LRRIQ1: variants seen among roughly 807,000 people sequenced by gnomAD.
The protein encoded by LRRIQ1 is leucine-rich repeat- and IQ domain-containing protein 1.
In LRRIQ1, 210 loss-of-function variants were observed where a neutral mutation model predicts 211.9. That is an observed-to-expected ratio of 0.99 (90% CI 0.89 to 1.11). The LOEUF (loss-of-function observed/expected upper bound fraction) is 1.11, where lower values mean the gene tolerates loss of function less well. LRRIQ1 is among the 50% of genes most tolerant of loss of function. The pLI, the probability that LRRIQ1 is intolerant of heterozygous loss-of-function variation, is 0.00. For synonymous variants in LRRIQ1, 699 were observed against 650.1 expected, an observed-to-expected ratio of 1.08 and a Z score of -1.14; for missense variants, 2,136 against 1,939.5, an observed-to-expected ratio of 1.10 and a Z score of -1.90.
intron 24 of LRRIQ1, among the ~76,000 whole-genome samples, chr12:85,172,329 A>G (rs1472868218): frequency 6.6e-6 from 1 of 152,188 alleles, no homozygotes; most frequent in Non-Finnish European, 1.5e-5. Context: ...GAATTACTAC[A>G]ACATCTTGGA....
chr12:85,211,694 T>C (rs1346350005), intron 24 of LRRIQ1, among the ~76,000 whole-genome samples: 1 of 152,160 alleles, frequency 6.6e-6, no homozygotes, highest in Non-Finnish European at 1.5e-5. Context: ...ATTATTCCTA[T>C]TTCACAATTA....
At chr12:85,222,726 G>A (rs1032468182) in intron 24 of LRRIQ1, among the ~76,000 whole-genome samples, 2 of 152,058 alleles carry the variant, frequency 1.3e-5, no homozygotes, top group Non-Finnish European at 2.9e-5. Context: ...TAGAAGAAAA[G>A]GGAAACTGAT....
At chr12:85,229,403 T>G (rs1240280008) in intron 24 of LRRIQ1, 114 bp from the exon 25 acceptor site, 4 of 796,224 alleles carry the variant, frequency 5.0e-6, no homozygotes, top group Non-Finnish European at 7.7e-6. Context: ...TTAGCTCTCA[T>G]AAGTTAGTAT....
intron 24 of LRRIQ1, among the ~76,000 whole-genome samples, chr12:85,181,438 T>C (rs1035768017): frequency 2.3e-4 from 35 of 151,862 alleles, no homozygotes; most frequent in African/African-American, 8.5e-4. Context: ...AAATTATCTT[T>C]TGAAATTTTC....
At chr12:85,077,255 A>G (rs978526700) in intron 11 of LRRIQ1, among the ~76,000 whole-genome samples, 1 of 152,230 alleles carries the variant, frequency 6.6e-6, no homozygotes, top group Non-Finnish European at 1.5e-5. Flanking sequence ...GGGAAGAATT[A>G]TTTGAAATAG....
intron 24 of LRRIQ1, among the ~76,000 whole-genome samples, chr12:85,197,728 A>G (rs1174074844): frequency 3.3e-5 from 5 of 151,462 alleles, no homozygotes; most frequent in Admixed American, 2.0e-4. Flanking sequence ...ACCTAATGCT[A>G]GATGACGAGT....
chr12:85,217,772 GTCTCTCTC>G (rs139792547), intron 24 of LRRIQ1, among the ~76,000 whole-genome samples: 1 of 141,250 alleles, frequency 7.1e-6, no homozygotes, highest in African/African-American at 3.0e-5. Context: ...AAATGTGTGT[GTCTCTCTC>G]TATATATATA....
Position 85,124,237 on chromosome 12 carries a change from G to C in LRRIQ1, c.3725G>C (p.Ser1242Thr). ...CATTTGGCCCCTACAAACAGTGACAGCACTCTGCAAAATGGAGTCTTCTAC... is the reference window on the plus strand; with the variant it reads ...CATTTGGCCCCTACAAACAGTGACACCACTCTGCAAAATGGAGTCTTCTAC... ...KNHLAPTNSD[S>T]TLQNGVFYSC... Residue 1242 changes from serine to threonine, a missense_variant, in exon 17 of 27, where the codon AGC becomes ACC. Transcript: ENST00000393217. The C allele has an allele frequency of 6.2e-7, 1 of 1,614,070 alleles. No individual in the cohort carries two copies. The highest frequency in any genetic ancestry group is 8.5e-7 in the Non-Finnish European group (1 of 1,180,006).
intron 19 of LRRIQ1, 36 bp downstream of exon 19, chr12:85,138,005 A>T (rs1359764235): frequency 1.7e-6 from 2 of 1,177,136 alleles, no homozygotes; most frequent in Admixed American, 2.4e-5. Context: ...TATTGGTCTT[A>T]AAATACATTA....
chr12:85,266,179 C>A (rs184272107), downstream of LRRIQ1, among the ~76,000 whole-genome samples: 4 of 152,138 alleles, frequency 2.6e-5, no homozygotes, highest in African/African-American at 7.2e-5. Context: ...ATAGGATTAG[C>A]CCCTGACTTG....
intron 19 of LRRIQ1, among the ~76,000 whole-genome samples, chr12:85,149,738 T>TG (rs11390308): frequency 0.6 from 90,744 of 151,388 alleles, 29,429 homozygotes; most frequent in African/African-American, 0.86. Context: ...AACATATTTT[T>TG]GTTGCGATTA....
At chr12:85,143,722 T>C (rs950785575) in intron 19 of LRRIQ1, among the ~76,000 whole-genome samples, 1 of 151,628 alleles carries the variant, frequency 6.6e-6, no homozygotes, top group African/African-American at 2.4e-5. Context: ...ATTCCATTTA[T>C]ATGTTGAAAT....
intron 25 of LRRIQ1, among the ~76,000 whole-genome samples, chr12:85,232,314 T>C (rs1348175184): frequency 2.0e-5 from 3 of 152,098 alleles, no homozygotes; most frequent in African/African-American, 7.2e-5. Flanking sequence ...ACTAGAGCTA[T>C]TTTAAAAGTA....
At chr12:85,163,093 C>T (rs1309376995) in intron 24 of LRRIQ1, among the ~76,000 whole-genome samples, 1 of 152,136 alleles carries the variant, frequency 6.6e-6, no homozygotes, top group African/African-American at 2.4e-5. Context: ...ACAGATATTT[C>T]CTGATGCCAC....
chr12:85,252,560 G>T (rs1372000110), intron 1 of LRRIQ1, among the ~76,000 whole-genome samples: 1 of 151,672 alleles, frequency 6.6e-6, no homozygotes, highest in African/African-American at 2.4e-5. Flanking sequence ...TCTTCTTTAA[G>T]AGAAATTTAA....
chr12:85,238,951 C>T (rs540367922), intron 26 of LRRIQ1, among the ~76,000 whole-genome samples: 13 of 151,976 alleles, frequency 8.6e-5, no homozygotes, highest in Admixed American at 2.6e-4. Flanking sequence ...AAATATGCTA[C>T]GTTTCTAAAT....
chr12:85,042,695 A>G (rs1005539156), intron 3 of LRRIQ1, among the ~76,000 whole-genome samples: 4 of 151,586 alleles, frequency 2.6e-5, no homozygotes, highest in Admixed American at 1.3e-4. Flanking sequence ...ATTTTTCAAG[A>G]AAACAAATTA....
At chr12:85,187,358 T>C (rs1293977507) in intron 24 of LRRIQ1, among the ~76,000 whole-genome samples, 5 of 152,134 alleles carry the variant, frequency 3.3e-5, no homozygotes, top group African/African-American at 7.2e-5. Context: ...GAAATGGAAA[T>C]TTAAACATTT....
intron 24 of LRRIQ1, 95 bp from the exon 25 acceptor site, chr12:85,229,421 TC>T (rs1894824148): frequency 1.0e-6 from 1 of 969,512 alleles, no homozygotes; most frequent in Non-Finnish European, 1.5e-6. Flanking sequence ...TATTTTTTTT[TC>T]TTTCTTGTGA....
Sources: allele counts gnomAD v4.1 joint callset (sites outside exome capture counted in the v4.1 genomes callset), GRCh38; gene constraint gnomAD v4.1.1; transcripts MANE v1.5; gene names NCBI Gene and HGNC (gene_info 2026-07-23, HGNC 2026-07-21).